MACF1: variants seen among roughly 807,000 people sequenced by gnomAD.
MACF1 encodes the protein microtubule-actin cross-linking factor 1.
MACF1 carries 193 observed loss-of-function variants against 854.8 expected under a neutral mutation model. That is an observed-to-expected ratio of 0.23 (90% CI 0.20 to 0.25). The LOEUF (loss-of-function observed/expected upper bound fraction) is 0.25. MACF1 is among the 10% of genes least tolerant of loss of function. The probability of loss-of-function intolerance (pLI) is 1.00; values close to 1 mark genes in which losing one functional copy is unlikely to be tolerated. For synonymous variants in MACF1, 3,185 were observed against 3,226.7 expected, an observed-to-expected ratio of 0.99 and a Z score of 0.44; for missense variants, 7,722 against 8,929.1, an observed-to-expected ratio of 0.86 and a Z score of 5.45.
chr1:39,176,656 T>C (rs192625851), intron 2 of MACF1, among the ~76,000 whole-genome samples: 21 of 152,318 alleles, frequency 1.4e-4, no homozygotes, highest in African/African-American at 4.6e-4. Context: ...TGGTTCTATC[T>C]CTAGATGTTT....
At chr1:39,446,046 T>G (rs1402602210) in intron 80 of MACF1, among the ~76,000 whole-genome samples, 2 of 152,244 alleles carry the variant, frequency 1.3e-5, no homozygotes, top group African/African-American at 4.8e-5. Flanking sequence ...TGAGACAGAT[T>G]CCAGCTCATA....
chr1:39,121,137 C>G (rs575354582), intron 2 of MACF1: 57 of 152,258 alleles, frequency 3.7e-4, no homozygotes, highest in African/African-American at 1.3e-3. Flanking sequence ...AGTAGCTGCT[C>G]CAATCAATAT....
intron 58 of MACF1, among the ~76,000 whole-genome samples, chr1:39,398,933 A>G (rs1642371875): frequency 6.6e-6 from 1 of 152,176 alleles, no homozygotes; most frequent in African/African-American, 2.4e-5. Flanking sequence ...ATTTTATCAG[A>G]CTATGTTTCT....
chr1:39,256,320 T>C (rs971693700), intron 5 of MACF1, among the ~76,000 whole-genome samples: 2 of 151,966 alleles, frequency 1.3e-5, no homozygotes, highest in Non-Finnish European at 2.9e-5. Context: ...AACTGTCAAC[T>C]GTTAGTGATT....
At position 39,285,195 on chromosome 1, in the gene MACF1, G is replaced by A. The variant is rs778364941; in HGVS notation, c.1244G>A (p.Arg415Gln). 9.9e-6 allele frequency: 16 copies of A among 1,614,038 alleles called. No individual in the cohort carries two copies. The highest frequency in any genetic ancestry group is 4.4e-5 in the South Asian group (4 of 91,080). The part of the protein sequence containing the change: ...IEMLEREKSL[R>Q]PAVERLELLL... ...ATGCTGGAACGAGAGAAATCACTTCGGCCGGCTGTGGAGAGGTGGGTCCAG... is the reference window on the plus strand; with the variant it reads ...ATGCTGGAACGAGAGAAATCACTTCAGCCGGCTGTGGAGAGGTGGGTCCAG... The change falls in exon 12 of 101, where the codon CGG (arginine) becomes CAG (glutamine). Residue 415 changes from arginine (R) to glutamine (Q), a missense_variant. Arg to Gln is a conservative substitution (Grantham distance 43). Coordinates refer to ENST00000564288, the MANE Select transcript of MACF1 (RefSeq NM_001394062.1).
At position 39,380,376 on chromosome 1, in the gene MACF1, A is replaced by G; in HGVS notation, c.13648+3A>G. 1 of 1,610,676 alleles carries G rather than the reference A, an allele frequency of 6.2e-7. No individual in the cohort carries two copies. The highest frequency in any genetic ancestry group is 2.2e-5 in the East Asian group (1 of 44,804). ...GAAGAAAATTCAGGAAGAACTCAGT[A>G]AGTTTTCACAAGAGTGTTACAAATT... On this transcript the variant is annotated splice_donor_region_variant and intron_variant, in intron 55 of 100. Coordinates refer to ENST00000564288, the MANE Select transcript of MACF1 (RefSeq NM_001394062.1).
At chr1:39,202,232 C>T (rs1446337921), upstream of MACF1, among the ~76,000 whole-genome samples, 3 of 150,528 alleles carry the variant, frequency 2.0e-5, no homozygotes, top group Non-Finnish European at 3.0e-5. Flanking sequence ...TCCCAAAGTG[C>T]TGGGATTACA....
intron 2 of MACF1, among the ~76,000 whole-genome samples, chr1:39,186,170 ATCTCTC>A (rs55658204): frequency 0.024 from 2,673 of 109,970 alleles, 172 homozygotes; most frequent in African/African-American, 0.089. Flanking sequence ...GATTCTGAAC[ATCTCTC>A]TCTCTCTCTC....
chr1:39,469,195 G>A (rs1644728639), intron 96 of MACF1, among the ~76,000 whole-genome samples: 1 of 152,162 alleles, frequency 6.6e-6, no homozygotes, highest in African/African-American at 2.4e-5. Flanking sequence ...CTACATGTGA[G>A]CCCATTCACT....
chr1:39,355,404 T>G (rs922846993), intron 44 of MACF1, among the ~76,000 whole-genome samples: 1 of 151,846 alleles, frequency 6.6e-6, no homozygotes, highest in Non-Finnish European at 1.5e-5. Context: ...CGCTCCCACT[T>G]CACTATCTAA....
chr1:39,337,195 G>T lies in MACF1; in HGVS notation c.10079G>T (p.Arg3360Leu), dbSNP rs763140598. Residue 3360 changes from arginine to leucine, a missense_variant, in exon 38 of 101, where the codon CGG (arginine) becomes CTG (leucine). This residue lies in a region of MACF1 where 854 missense variants were observed against 852.6 expected (regional missense o/e 1.00). Coordinates refer to ENST00000564288, the MANE Select transcript of MACF1 (RefSeq NM_001394062.1). The stretch of plus-strand genomic sequence containing the variant: ...TTGGCTCCACAGAATGTATTTACCC[G>T]GCAACTCTGTTTAGAACATGATGAA... ...PFRATQNVFT[R>L]QLCLEHDEKL... The T allele has an allele frequency of 1.2e-6, 2 of 1,612,404 alleles. No homozygotes were observed. The highest frequency in any genetic ancestry group is 2.2e-5 in the South Asian group (2 of 90,694).
At chr1:39,480,577 T>C (rs1644994870) in intron 98 of MACF1, among the ~76,000 whole-genome samples, 2 of 151,882 alleles carry the variant, frequency 1.3e-5, no homozygotes, top group Non-Finnish European at 2.9e-5. Context: ...TGCAGTAAGC[T>C]ATGAACTGCA....
At chr1:39,155,838 G>C (rs1383562539) in intron 2 of MACF1, among the ~76,000 whole-genome samples, 1 of 151,738 alleles carries the variant, frequency 6.6e-6, no homozygotes, top group Non-Finnish European at 1.5e-5. Flanking sequence ...TCCTGCCTCA[G>C]CCTCCCAAAT....
chr1:39,326,282 C>T (rs980649932), intron 35 of MACF1, among the ~76,000 whole-genome samples: 2 of 152,140 alleles, frequency 1.3e-5, no homozygotes, highest in African/African-American at 4.8e-5. Flanking sequence ...CGGGATTCAT[C>T]AGATTCAAGA....
intron 2 of MACF1, among the ~76,000 whole-genome samples, chr1:39,141,560 T>C (rs1355574059): frequency 2.6e-5 from 4 of 152,200 alleles, no homozygotes; most frequent in African/African-American, 9.7e-5. Flanking sequence ...ACATATATCA[T>C]AGGATTCTGA....
intron 2 of MACF1, among the ~76,000 whole-genome samples, chr1:39,149,211 G>T (rs1643524476): frequency 6.6e-6 from 1 of 152,158 alleles, no homozygotes; most frequent in African/African-American, 2.4e-5. Context: ...TGGGTAAAGG[G>T]TAGTGCCATT....
chr1:39,092,483 G>T (rs1641830694), intron 2 of MACF1, among the ~76,000 whole-genome samples: 2 of 152,212 alleles, frequency 1.3e-5, no homozygotes. Context: ...CTTGTCTGAG[G>T]TTATACACTG....
At chr1:39,121,026 T>C (rs1642694002) in intron 2 of MACF1, 1 of 152,394 alleles carries the variant, frequency 6.6e-6, no homozygotes, top group Non-Finnish European at 1.5e-5. Context: ...TTAGTATATG[T>C]GTTGCTTAAG....
At position 39,469,588 on chromosome 1, in the gene MACF1, T is replaced by C. The variant is rs1335736619; in HGVS notation, c.21931T>C (p.Ser7311Pro). Residue 7311 changes from serine (S) to proline (P), a missense_variant, in exon 97 of 101, where the codon TCT (serine) becomes CCT (proline). Around this residue, in one of 15 missense-constraint regions of MACF1, gnomAD observed 153 missense variants for 342.5 expected, o/e 0.45. Coordinates refer to ENST00000564288, the MANE Select transcript of MACF1 (RefSeq NM_001394062.1). ...GSKIKRSDSSSSISSQSPIAR... is the reference protein window; with the variant it reads ...GSKIKRSDSSPSISSQSPIAR... ...TAAAATAAAGCGCTCTGATTCCAGC[T>C]CTTCGATTTCCAGTCAGTCTCCCAT... 3 of 1,550,468 alleles carry C rather than the reference T, an allele frequency of 1.9e-6. No individual in the cohort carries two copies. The Admixed American group carries it at 5.9e-5, about 30-fold the overall frequency.
Sources: gnomAD v4.1 joint callset for allele counts (sites outside exome capture counted in the v4.1 genomes callset) on GRCh38, gnomAD v4.1.1 for gene constraint, gnomAD v4.1.1 regional missense constraint, MANE v1.5 for transcripts, NCBI Gene and HGNC (gene_info 2026-07-23, HGNC 2026-07-21) for gene names.